The following SLC30A9 variants were observed in gnomAD, a reference collection of about 807,000 sequenced individuals.
The protein encoded by SLC30A9 is proton-coupled zinc antiporter SLC30A9, mitochondrial.
Under a neutral mutation model 87.5 loss-of-function variants are expected in SLC30A9, and 58 were observed. The ratio of observed to expected loss-of-function variants is 0.66; its 90% CI spans 0.54 to 0.82. The LOEUF (loss-of-function observed/expected upper bound fraction) is 0.82. Among genes scored for constraint, SLC30A9 ranks in the 40% least tolerant of loss-of-function variants. The pLI is 0.00. For missense variants in SLC30A9, 557 were observed against 679.1 expected (o/e 0.82, Z 2.00); for synonymous variants, 234 against 233.0 (o/e 1.00, Z -0.04).
chr4:42,070,728 A>C lies in SLC30A9; in HGVS notation c.1418+37A>C, dbSNP rs778280815. The C allele has an allele frequency of 3.2e-5, 49 of 1,527,256 alleles. No individual in the cohort carries two copies. The Admixed American group carries it at 5.4e-4, about 17-fold the overall frequency. The allele number at this position is 1,527,256 out of a possible 1,614,324, so 94.6% of individuals were successfully genotyped here. A position where few individuals can be genotyped will look rare whatever the true frequency, so the allele number is the denominator to read the frequency against. The stretch of plus-strand genomic sequence containing the variant: ...TCCAGTAATCCTGTTAAGGCTTACA[A>C]AAACATATTAAAAAACAGAAATGCC... On this transcript the variant is annotated intron_variant, in intron 15 of 17. Transcript: ENST00000264451.
At chr4:42,081,306 C>T (rs1560563213) in intron 17 of SLC30A9, among the ~76,000 whole-genome samples, 1 of 150,768 alleles carries the variant, frequency 6.6e-6, no homozygotes, top group East Asian at 1.9e-4. Context: ...ATGAAACTGG[C>T]TTTTTTTTTA....
chr4:42,035,289 C>G lies in SLC30A9; in HGVS notation c.625C>G (p.Gln209Glu). 6.2e-7 allele frequency: 1 copy of G among 1,601,278 alleles called. No homozygotes were observed. Among genetic ancestry groups the G allele is most frequent in the Non-Finnish European group, 8.5e-7 (1 of 1,171,306 alleles). ...TATTCTTACAGGGCTATTTAGAAAC[C>G]AAAAAATATTAAGAGAATACAGAGA... The part of the protein sequence containing the change: ...IEYRERLFRN[Q>E]KILREYRDFL... The change falls in exon 7 of 18, where the codon CAA becomes GAA. Residue 209 changes from glutamine to glutamate, a missense_variant. Coordinates refer to ENST00000264451, the MANE Select transcript of SLC30A9 (RefSeq NM_006345.4).
intron 9 of SLC30A9, among the ~76,000 whole-genome samples, chr4:42,057,461 G>A (rs991241232): frequency 6.6e-6 from 1 of 152,194 alleles, no homozygotes; most frequent in African/African-American, 2.4e-5. Context: ...ACCTACTGAA[G>A]CAATAGCTGG....
chr4:42,059,703 CAT>C (rs757656999), intron 9 of SLC30A9, among the ~76,000 whole-genome samples: 1 of 152,120 alleles, frequency 6.6e-6, no homozygotes, highest in Non-Finnish European at 1.5e-5. Flanking sequence ...GAGATACAAA[CAT>C]AGTTACTTGC....
chr4:42,035,007 T>C (rs989283285), intron 6 of SLC30A9, among the ~76,000 whole-genome samples: 20 of 152,214 alleles, frequency 1.3e-4, no homozygotes, highest in African/African-American at 4.6e-4. Flanking sequence ...TCATTGTGGT[T>C]TTCATATGTA....
intron 10 of SLC30A9, among the ~76,000 whole-genome samples, chr4:42,062,403 GA>G (rs1388849457): frequency 6.6e-6 from 1 of 152,046 alleles, no homozygotes; most frequent in Non-Finnish European, 1.5e-5. Context: ...ACATATTGAT[GA>G]AGCATGCTTG....
intron 8 of SLC30A9, among the ~76,000 whole-genome samples, chr4:42,046,305 GC>G (rs1431858056): frequency 2.0e-5 from 3 of 152,180 alleles, no homozygotes; most frequent in Non-Finnish European, 2.9e-5. Flanking sequence ...GTCTCTGTTT[GC>G]AGATGACATG....
In SLC30A9 at chr4:42,087,167, A is replaced by G. The variant is rs1462897280; in HGVS notation, c.*1041A>G. On this transcript the variant is annotated 3_prime_UTR_variant, in exon 18 of 18. Transcript: ENST00000264451. Reference sequence around the variant, plus strand: ...TGTCTGTGAGTTTCTTCAGTTACAAATGGGCATTTAGTATAGTTATATTGA... The same window carrying G: ...TGTCTGTGAGTTTCTTCAGTTACAAGTGGGCATTTAGTATAGTTATATTGA... The G allele has an allele frequency of 6.6e-6, 1 of 152,208 alleles. No homozygotes were observed. Among genetic ancestry groups the G allele is most frequent in the African/African-American group, 2.4e-5 (1 of 41,456 alleles). 9.4% of individuals were successfully genotyped at this position (152,208 alleles called of 1,614,324 possible).
chr4:42,077,027 A>G (rs1718585363), intron 16 of SLC30A9, among the ~76,000 whole-genome samples: 1 of 152,058 alleles, frequency 6.6e-6, no homozygotes, highest in African/African-American at 2.4e-5. Context: ...TTGTTCACAT[A>G]TATGAAAATT....
intron 14 of SLC30A9, 179 bp from the exon 15 acceptor site, chr4:42,070,347 T>C: frequency 2.0e-6 from 1 of 503,270 alleles, no homozygotes; most frequent in Non-Finnish European, 3.5e-6. Context: ...AAGCAAGTTG[T>C]AGCATCCTCA....
chr4:42,083,939 T>C (rs1339902992), intron 17 of SLC30A9, among the ~76,000 whole-genome samples: 1 of 152,166 alleles, frequency 6.6e-6, no homozygotes, highest in Non-Finnish European at 1.5e-5. Context: ...GCGACACTAG[T>C]TATAAGAAAA....
chr4:42,022,885 A>T lies in SLC30A9; in HGVS notation c.482A>T (p.Asp161Val), dbSNP rs1190434803. ...ATCAGACGACGAAGTCCCCATGAAG[A>T]TACTGAGTCTTTTACTGTATACTTG... ...RKIRRRSPHEDTESFTVYLRS... is the reference protein window; with the variant it reads ...RKIRRRSPHEVTESFTVYLRS... The change falls in exon 5 of 18, where the codon GAT (aspartate) becomes GTT (valine). Residue 161 changes from aspartate (D) to valine (V), a missense_variant. Transcript: ENST00000264451. 1.2e-6 allele frequency: 2 copies of T among 1,602,944 alleles called. No individual in the cohort carries two copies.
At chr4:42,027,093 G>C (rs1014229090) in intron 6 of SLC30A9, among the ~76,000 whole-genome samples, 4 of 152,170 alleles carry the variant, frequency 2.6e-5, no homozygotes, top group African/African-American at 9.7e-5. Flanking sequence ...TCAGTAGCCA[G>C]AGTTGGCTAA....
At position 42,070,569 on chromosome 4, in the gene SLC30A9, C is replaced by T; in HGVS notation, c.1296C>T (p.Thr432=). 1.2e-6 allele frequency: 2 copies of T among 1,613,860 alleles called. No individual in the cohort carries two copies. Among genetic ancestry groups the T allele is most frequent in the Non-Finnish European group, 1.7e-6 (2 of 1,179,900 alleles). The change falls in exon 15 of 18, where the codon ACC becomes ACT. Residue 432 remains threonine, a synonymous_variant. Transcript: ENST00000264451. The part of the protein sequence containing the change: ...YDSLGSLGVG[T]LLGMVSAFLI... ...GCCTAGGTTCTTTGGGTGTGGGCACCTTATTAGGCATGGTCTCAGCATTCC... is the reference window on the plus strand; with the variant it reads ...GCCTAGGTTCTTTGGGTGTGGGCACTTTATTAGGCATGGTCTCAGCATTCC...
In SLC30A9 at chr4:42,067,133, C is replaced by T; in HGVS notation, c.1193C>T (p.Thr398Ile). The change falls in exon 14 of 18, where the codon ACT becomes ATT. Residue 398 changes from threonine (T) to isoleucine (I), a missense_variant. Physicochemically the swap from Thr to Ile is moderately conservative, Grantham distance 89. Around this residue, in one of 2 missense-constraint regions of SLC30A9, gnomAD observed 467 missense variants for 529.8 expected, o/e 0.88. Transcript: ENST00000264451. ...ACAAATGTGATATTATTGGAGGATA[C>T]TGCTGCAGTCTTGGGAGTTATAATA... ...PSTNVILLED[T>I]AAVLGVIIAA... 14 of 1,612,716 alleles carry T rather than the reference C, an allele frequency of 8.7e-6. No individual in the cohort carries two copies. The highest frequency in any genetic ancestry group is 1.1e-5 in the Non-Finnish European group (13 of 1,178,954).
At chr4:41,997,528 A>G (rs1264702795) in intron 1 of SLC30A9, among the ~76,000 whole-genome samples, 1 of 152,054 alleles carries the variant, frequency 6.6e-6, no homozygotes, top group Non-Finnish European at 1.5e-5. Flanking sequence ...ATTTCACCAC[A>G]TTTTTAGTAG....
intron 9 of SLC30A9, among the ~76,000 whole-genome samples, chr4:42,051,063 C>T (rs1717363811): frequency 6.6e-6 from 1 of 152,160 alleles, no homozygotes; most frequent in African/African-American, 2.4e-5. Context: ...AGAGAACCAG[C>T]AGGGAGCAGT....
chr4:42,018,158 C>T lies in SLC30A9; in HGVS notation c.322C>T (p.Leu108Phe). Residue 108 changes from leucine (L) to phenylalanine (F), a missense_variant, in exon 3 of 18, where the codon CTC becomes TTC. Coordinates refer to ENST00000264451, the MANE Select transcript of SLC30A9 (RefSeq NM_006345.4). ...ELKAPLKQEP[L>F]QVRVKAVLKK... Reference sequence around the variant, plus strand: ...CAAAGCTCCACTTAAGCAAGAACCTCTCCAAGTAAGAGGTAAATATATTTT... The same window carrying T: ...CAAAGCTCCACTTAAGCAAGAACCTTTCCAAGTAAGAGGTAAATATATTTT... 1 of 1,550,496 alleles carries T rather than the reference C, an allele frequency of 6.4e-7. No homozygotes were observed. Among genetic ancestry groups the T allele is most frequent in the Non-Finnish European group, 8.9e-7 (1 of 1,126,056 alleles).
intron 1 of SLC30A9, among the ~76,000 whole-genome samples, chr4:41,996,018 T>C (rs930161412): frequency 1.3e-5 from 2 of 149,848 alleles, no homozygotes; most frequent in African/African-American, 2.5e-5. Flanking sequence ...CCCAGACAAA[T>C]AGTTTTAAGG....
Sources: gnomAD v4.1 joint callset for allele counts (sites outside exome capture counted in the v4.1 genomes callset) on GRCh38, gnomAD v4.1.1 for gene constraint, gnomAD v4.1.1 regional missense constraint, MANE v1.5 for transcripts, NCBI Gene and HGNC (gene_info 2026-07-23, HGNC 2026-07-21) for gene names.